The following PRKD1 variants were observed in gnomAD, a reference collection of about 807,000 sequenced individuals.
PRKD1 encodes the protein protein kinase D1.
Under a neutral mutation model 95.9 loss-of-function variants are expected in PRKD1, and 63 were observed. That is an observed-to-expected ratio of 0.66 (90% CI 0.54 to 0.81). The LOEUF is 0.81. Among genes scored for constraint, PRKD1 ranks in the 30% least tolerant of loss-of-function variants. PRKD1 has a pLI of 0.00. For missense variants in PRKD1, 1,048 were observed against 1,165.3 expected (o/e 0.90, Z 1.47); for synonymous variants, 425 against 423.1 (o/e 1.00, Z -0.05).
intron 1 of PRKD1, among the ~76,000 whole-genome samples, chr14:29,867,495 C>T (rs961167247): frequency 6.6e-6 from 1 of 152,130 alleles, no homozygotes; most frequent in African/African-American, 2.4e-5. Context: ...TGCTGGAATT[C>T]AATGGGTAAA....
intron 1 of PRKD1, among the ~76,000 whole-genome samples, chr14:29,834,074 T>C (rs1455652598): frequency 1.3e-5 from 2 of 152,120 alleles, no homozygotes; most frequent in Admixed American, 6.6e-5. Context: ...AAAAAGTAAT[T>C]ATATGAATTT....
chr14:29,872,435 G>C (rs1334599883), intron 1 of PRKD1, among the ~76,000 whole-genome samples: 1 of 151,788 alleles, frequency 6.6e-6, no homozygotes, highest in Admixed American at 6.6e-5. Context: ...GGCCAAGGTG[G>C]GTGGATCACG....
chr14:29,698,060 C>A (rs1884627867), intron 2 of PRKD1, among the ~76,000 whole-genome samples: 1 of 152,156 alleles, frequency 6.6e-6, no homozygotes, highest in Admixed American at 6.5e-5. Context: ...TTCCCAAACA[C>A]TGTTATCAGT....
At chr14:29,619,570 C>A (rs1474904254) in intron 13 of PRKD1, among the ~76,000 whole-genome samples, 2 of 152,068 alleles carry the variant, frequency 1.3e-5, no homozygotes, top group Non-Finnish European at 2.9e-5. Context: ...GAGGAACTTG[C>A]AACAAATATA....
chr14:29,622,973 G>A (rs1170874961), intron 13 of PRKD1, among the ~76,000 whole-genome samples: 1 of 152,192 alleles, frequency 6.6e-6, no homozygotes, highest in East Asian at 1.9e-4. Context: ...CACAGTGCGT[G>A]GAGACTGGAA....
At chr14:29,794,174 T>A (rs1217007470) in intron 1 of PRKD1, among the ~76,000 whole-genome samples, 1 of 152,080 alleles carries the variant, frequency 6.6e-6, no homozygotes, top group African/African-American at 2.4e-5. Flanking sequence ...TAGACTATTT[T>A]TGAGTTTTTA....
intron 1 of PRKD1, among the ~76,000 whole-genome samples, chr14:29,748,343 T>G (rs959302885): frequency 2.8e-4 from 42 of 152,236 alleles, no homozygotes; most frequent in African/African-American, 9.2e-4. Context: ...ATTTATCTGA[T>G]TGGTGAAAGT....
intron 16 of PRKD1, among the ~76,000 whole-genome samples, chr14:29,586,272 G>A (rs1340058483): frequency 1.3e-5 from 2 of 152,176 alleles, no homozygotes; most frequent in Non-Finnish European, 2.9e-5. Flanking sequence ...AGATAGAAGG[G>A]TTTAAGGATA....
chr14:29,650,802 T>C (rs1881446103), intron 4 of PRKD1, among the ~76,000 whole-genome samples: 1 of 152,236 alleles, frequency 6.6e-6, no homozygotes, highest in Non-Finnish European at 1.5e-5. Context: ...TTATCTATTT[T>C]GTGACCTTGC....
intron 4 of PRKD1, among the ~76,000 whole-genome samples, chr14:29,640,292 T>C (rs1880673286): frequency 6.6e-6 from 1 of 152,200 alleles, no homozygotes; most frequent in Non-Finnish European, 1.5e-5. Context: ...TTTTAAATGA[T>C]TACTGATAAG....
chr14:29,880,850 C>T (rs1594598901), intron 1 of PRKD1, among the ~76,000 whole-genome samples: 2 of 152,172 alleles, frequency 1.3e-5, no homozygotes, highest in East Asian at 1.9e-4. Flanking sequence ...TGCTGGATTT[C>T]GGACTTGCAT....
intron 1 of PRKD1, among the ~76,000 whole-genome samples, chr14:29,826,442 A>G (rs867929489): frequency 2.2e-4 from 17 of 78,896 alleles, no homozygotes; most frequent in South Asian, 8.4e-4. Flanking sequence ...TGGAATATAT[A>G]TATACATATA....
At chr14:29,817,055 T>G (rs1032598688) in intron 1 of PRKD1, among the ~76,000 whole-genome samples, 1 of 152,218 alleles carries the variant, frequency 6.6e-6, no homozygotes, top group Admixed American at 6.5e-5. Context: ...CTTTACTTTT[T>G]ATGTTGGCTT....
chr14:29,881,200 G>A (rs977038815), intron 1 of PRKD1, among the ~76,000 whole-genome samples: 1 of 152,166 alleles, frequency 6.6e-6, no homozygotes, highest in Non-Finnish European at 1.5e-5. Flanking sequence ...GTTGTGGAAG[G>A]GACCCAGGGA....
intron 16 of PRKD1, among the ~76,000 whole-genome samples, chr14:29,592,069 G>T (rs1468924946): frequency 2.0e-5 from 3 of 151,792 alleles, no homozygotes; most frequent in Non-Finnish European, 1.5e-5. Context: ...TTCTTTCAAG[G>T]AACCGAGAAG....
Position 29,910,833 on chromosome 14 carries a change from C to T in PRKD1, c.264+16416G>A, listed in dbSNP as rs373295945. Among the ~76,000 whole-genome samples the T allele has an allele frequency of 7.9e-5, 12 of 152,236 alleles. No individual in the cohort carries two copies. In the East Asian group the frequency reaches 2.3e-3, roughly 29 times the overall value. The stretch of plus-strand genomic sequence containing the variant: ...TCTATACTTGTCACAAAAATCCAAT[C>T]TTTGTCCCAGCTAAAAGCCTTGGTG... On this transcript the variant is annotated intron_variant, in intron 1 of 17. Transcript: ENST00000331968.
At position 29,591,447 on chromosome 14, in the gene PRKD1, T is replaced by C. The variant is rs1285769939; in HGVS notation, c.2434+6044A>G. Among the ~76,000 whole-genome samples the C allele has an allele frequency of 7.9e-5, 12 of 152,264 alleles. 1 individual carries two copies. In the East Asian group the frequency reaches 2.1e-3, roughly 27 times the overall value. ...CAGCTGTAAGTTATTTCTGGGGATC[T>C]GGGCTCCAGAGCAGCGGTTTTGAAA... On this transcript the variant is annotated intron_variant, in intron 16 of 17. Coordinates refer to ENST00000331968, the MANE Select transcript of PRKD1 (RefSeq NM_002742.3).
intron 1 of PRKD1, among the ~76,000 whole-genome samples, chr14:29,765,947 G>A (rs1888236919): frequency 6.6e-6 from 1 of 152,118 alleles, no homozygotes; most frequent in South Asian, 2.1e-4. Context: ...AGACCTGGGG[G>A]TGACTGCATG....
chr14:29,869,448 A>G (rs1034705933), intron 1 of PRKD1, among the ~76,000 whole-genome samples: 2 of 152,032 alleles, frequency 1.3e-5, no homozygotes, highest in Non-Finnish European at 2.9e-5. Context: ...AAAAAGAAAA[A>G]AAAAAAAAGA....
Sources: allele counts gnomAD v4.1 joint callset (sites outside exome capture counted in the v4.1 genomes callset), GRCh38; gene constraint gnomAD v4.1.1; transcripts MANE v1.5; gene names NCBI Gene and HGNC (gene_info 2026-07-23, HGNC 2026-07-21).